The following XRRA1 variants were observed in gnomAD, a reference collection of about 807,000 sequenced individuals.
XRRA1 encodes the protein X-ray radiation resistance-associated protein 1.
XRRA1 carries 69 observed loss-of-function variants against 80.2 expected under a neutral mutation model. That is an observed-to-expected ratio of 0.86 (90% confidence interval 0.71 to 1.05). XRRA1 has a LOEUF of 1.05. Ranked by LOEUF, XRRA1 falls within the 50% of genes least tolerant of loss-of-function variation. The pLI, the probability that XRRA1 is intolerant of heterozygous loss-of-function variation, is 0.00. For missense variants in XRRA1, 967 were observed against 976.4 expected, an observed-to-expected ratio of 0.99 and a Z score of 0.13; for synonymous variants, 348 against 389.9, an observed-to-expected ratio of 0.89 and a Z score of 1.27.
At chr11:74,889,821 T>C (rs1162088086) in intron 10 of XRRA1, among the ~76,000 whole-genome samples, 1 of 152,056 alleles carries the variant, frequency 6.6e-6, no homozygotes, top group African/African-American at 2.4e-5. Context: ...TACATAATGG[T>C]AAAGGGATCA....
rs77995298 is a variant in XRRA1 at position 74,941,895 on chromosome 11, G to A, written c.-4-1013C>T. Among the ~76,000 whole-genome samples the A allele has an allele frequency of 5.6e-3, 853 of 152,198 alleles. 4 individuals are homozygous for A. The highest frequency in any genetic ancestry group is 9.2e-3 in the Non-Finnish European group (627 of 68,006). Reference sequence around the variant, plus strand: ...GAGGAGCAAGACCAATTAGAAGTATGAGCATTTCATGTGTGGACACAGCCT... The same window carrying A: ...GAGGAGCAAGACCAATTAGAAGTATAAGCATTTCATGTGTGGACACAGCCT... On this transcript the variant is annotated intron_variant, in intron 2 of 18. Transcript: ENST00000684022.
rs1236940929 is a variant in XRRA1 at position 74,845,193 on chromosome 11, C to T, written c.1807G>A (p.Ala603Thr). 2 of 1,613,946 alleles carry T rather than the reference C, an allele frequency of 1.2e-6. No individual in the cohort carries two copies. The highest frequency in any genetic ancestry group is 1.3e-5 in the African/African-American group (1 of 74,940). Reference protein sequence around the residue: ...KEKDQKKPPTAPREVKGTRRK... With the variant: ...KEKDQKKPPTTPREVKGTRRK... ...CGAGTCCCTTTCACCTCTCTGGGTG[C>T]CGTTGGTGGTTTCTTTTGGTCTTTC... The change falls in exon 16 of 19, where the codon GCA becomes ACA. Residue 603 changes from alanine (A) to threonine (T), a missense_variant. By Grantham distance (58) the Ala-to-Thr change is moderately conservative. Coordinates refer to ENST00000684022, the MANE Select transcript of XRRA1 (RefSeq NM_001378157.1).
In XRRA1 at chr11:74,926,724, T is replaced by C. The variant is rs115559798; in HGVS notation, c.522+667A>G. Reference sequence around the variant, plus strand: ...TATAAGGACATGTGCAGAAAATGCATGACTATGGGAAAATTTAGGAGAAAA... The same window carrying C: ...TATAAGGACATGTGCAGAAAATGCACGACTATGGGAAAATTTAGGAGAAAA... On this transcript the variant is annotated intron_variant, in intron 7 of 18. Transcript: ENST00000684022. 9.1e-3 allele frequency among the ~76,000 whole-genome samples: 1,379 copies of C among 152,220 alleles called. 27 individuals are homozygous for C. The highest frequency in any genetic ancestry group is 0.031 in the African/African-American group (1,302 of 41,524).
intron 16 of XRRA1, among the ~76,000 whole-genome samples, chr11:74,844,871 G>A (rs1409724539): frequency 6.6e-6 from 1 of 152,244 alleles, no homozygotes; most frequent in Non-Finnish European, 1.5e-5. Context: ...AGCCAGTGAA[G>A]GCCTAGGCCA....
chr11:74,891,831 G>A (rs1279573798), intron 10 of XRRA1, among the ~76,000 whole-genome samples: 1 of 152,084 alleles, frequency 6.6e-6, no homozygotes. Context: ...AAAATACCTA[G>A]GAATCCAACT....
chr11:74,848,033 TCCACAGCAATC>T, intron 15 of XRRA1, 71 bp downstream of exon 15: 1 of 1,274,292 alleles, frequency 7.8e-7, no homozygotes, highest in South Asian at 1.4e-5. Context: ...CTCCCAGCTG[TCCACAGCAATC>T]GAGCCTAAGG....
intron 3 of XRRA1, 24 bp downstream of exon 3, chr11:74,940,761 T>C (rs777543477): frequency 6.4e-7 from 1 of 1,574,190 alleles, no homozygotes; most frequent in East Asian, 2.3e-5. Context: ...GAGGAAAAGG[T>C]AGCTATTTGA....
At chr11:74,846,668 C>T (rs532554558) in intron 15 of XRRA1, among the ~76,000 whole-genome samples, 6 of 152,220 alleles carry the variant, frequency 3.9e-5, no homozygotes, top group African/African-American at 1.2e-4. Context: ...ACCATATGAT[C>T]ATCTCAGTAG....
At chr11:74,910,669 A>G (rs1157559537) in intron 8 of XRRA1, 1 of 152,200 alleles carries the variant, frequency 6.6e-6, no homozygotes, top group Non-Finnish European at 1.5e-5. Context: ...GAACCTGCTA[A>G]AGGACTTTAA....
intron 8 of XRRA1, chr11:74,919,711 C>A: frequency 2.0e-6 from 1 of 499,576 alleles, no homozygotes; most frequent in South Asian, 1.7e-5. Flanking sequence ...AAGAAGCATG[C>A]CCCTTGAGCA....
chr11:74,918,445 G>A (rs1939531688), intron 8 of XRRA1, among the ~76,000 whole-genome samples: 1 of 152,192 alleles, frequency 6.6e-6, no homozygotes, highest in Non-Finnish European at 1.5e-5. Context: ...AATGGCTACA[G>A]TAACTGATGG....
chr11:74,848,414 G>T lies in XRRA1; in HGVS notation c.1429C>A (p.His477Asn). The T allele has an allele frequency of 6.2e-7, 1 of 1,613,694 alleles. No homozygotes were observed. Among genetic ancestry groups the T allele is most frequent in the Middle Eastern group, 1.7e-4 (1 of 6,060 alleles). Residue 477 changes from histidine to asparagine, a missense_variant, in exon 15 of 19, where the codon CAC (histidine) becomes AAC (asparagine). His to Asn is a moderately conservative substitution (Grantham distance 68). Transcript: ENST00000684022. Reference sequence around the variant, plus strand: ...GACTTGGTTGTCGTCATGCGCGGGTGATGGAGCACCAGAGGCTGCTTCGGC... The same window carrying T: ...GACTTGGTTGTCGTCATGCGCGGGTTATGGAGCACCAGAGGCTGCTTCGGC... ...KVPKQPLVLH[H>N]PRMTTTKSPS...
Position 74,885,751 on chromosome 11 carries a change from CACA to C in XRRA1, c.1003+20485_1003+20487del, listed in dbSNP as rs990766628. 6.6e-5 allele frequency among the ~76,000 whole-genome samples: 10 copies of C among 151,962 alleles called. No individual in the cohort carries two copies. The East Asian group carries it at 9.8e-4, about 15-fold the overall frequency. On this transcript the variant is annotated intron_variant, in intron 10 of 18. Transcript: ENST00000684022. ...TCCTGATACCAAAACCCACCAGAGACACAACAACAACAACAAAATTTCAGGCCA... is the reference window on the plus strand; with the variant it reads ...TCCTGATACCAAAACCCACCAGAGACACAACAACAACAAAATTTCAGGCCA...
intron 6 of XRRA1, 92 bp downstream of exon 6, chr11:74,930,208 T>C (rs961956289): frequency 1.9e-6 from 2 of 1,077,342 alleles, no homozygotes; most frequent in East Asian, 2.6e-5. Flanking sequence ...GTGTGGCCAA[T>C]CATAGATGGT....
intron 10 of XRRA1, among the ~76,000 whole-genome samples, chr11:74,899,922 A>G (rs1195287013): frequency 6.6e-6 from 1 of 152,108 alleles, no homozygotes; most frequent in Non-Finnish European, 1.5e-5. Flanking sequence ...TTACCCTGAT[A>G]CCAAAACCAG....
chr11:74,945,798 T>C (rs1947387786), intron 1 of XRRA1, among the ~76,000 whole-genome samples: 1 of 151,942 alleles, frequency 6.6e-6, no homozygotes, highest in African/African-American at 2.4e-5. Flanking sequence ...TCTTTCTCTC[T>C]CTCTCACACA....
rs1349631796 is a variant in XRRA1, at chr11:74,937,015, C to T, written c.148G>A (p.Gly50Ser). 6.2e-7 allele frequency: 1 copy of T among 1,613,922 alleles called. No homozygotes were observed. The highest frequency in any genetic ancestry group is 1.7e-5 in the Admixed American group (1 of 59,986). ...CGTTCAGCTTGTGCTCCAACCAAAC[C>T]CTTGGGCTTCTTCTTGAGGTTACCT... ...QKGNLKKKPK[G>S]LVGAQAERRE... The change falls in exon 4 of 19, where the codon GGT (glycine) becomes AGT (serine). Residue 50 changes from glycine (G) to serine (S), a missense_variant. Physicochemically the swap from Gly to Ser is moderately conservative, Grantham distance 56 (BLOSUM62 0). Transcript: ENST00000684022.
intron 2 of XRRA1, among the ~76,000 whole-genome samples, chr11:74,944,450 TAACAG>T (rs1435444182): frequency 6.6e-6 from 1 of 151,610 alleles, no homozygotes; most frequent in Admixed American, 6.6e-5. Context: ...GCACCTAACA[TAACAG>T]ATGTTATGAC....
rs1378909117 is a variant in XRRA1, at chr11:74,949,030, C to T, written c.-175G>A. The T allele has an allele frequency of 8.2e-6, 3 of 366,498 alleles. No homozygotes were observed. Among genetic ancestry groups the T allele is most frequent in the South Asian group, 6.8e-5 (2 of 29,596 alleles). The allele number at this position is 366,498 out of a possible 1,614,324, so 22.7% of individuals were successfully genotyped here. A position where few individuals can be genotyped will look rare whatever the true frequency, so the allele number is the denominator to read the frequency against. On this transcript the variant is annotated 5_prime_UTR_variant, in exon 1 of 19. Transcript: ENST00000684022. ...CCCCCCGGGGATCTCGGAGCCGCTCCACTGCGGTGCCTGCCGCTATCTTCC... is the reference window on the plus strand; with the variant it reads ...CCCCCCGGGGATCTCGGAGCCGCTCTACTGCGGTGCCTGCCGCTATCTTCC...
Sources: gnomAD v4.1 joint callset for allele counts (sites outside exome capture counted in the v4.1 genomes callset) on GRCh38, gnomAD v4.1.1 for gene constraint, MANE v1.5 for transcripts, NCBI Gene and HGNC (gene_info 2026-07-23, HGNC 2026-07-21) for gene names.